The following RFX6 variants were observed in gnomAD, a reference collection of about 807,000 sequenced individuals.
RFX6 encodes regulatory factor X6.
RFX6 carries 50 observed loss-of-function variants against 110.8 expected under a neutral mutation model. The observed-to-expected ratio is 0.45, with a 90% CI of 0.36 to 0.57. The LOEUF is 0.57. Ranked by LOEUF, RFX6 falls within the 20% of genes least tolerant of loss-of-function variation. The pLI is 0.00. For missense variants in RFX6, 990 were observed against 1,127.0 expected, an observed-to-expected ratio of 0.88 and a Z score of 1.74; for synonymous variants, 383 against 411.2, an observed-to-expected ratio of 0.93 and a Z score of 0.83.
rs370656013 is a variant in RFX6, at chr6:116,931,342, C to T, written c.2623C>T (p.Gln875Ter). 5 of 1,611,930 alleles carry T rather than the reference C, an allele frequency of 3.1e-6. No homozygotes were observed. Among genetic ancestry groups the T allele is most frequent in the Admixed American group, 1.7e-5 (1 of 59,992 alleles). ...CRTPVLASSL[Q>*]TPIPSSSSQC... ...ATTTTCCCTTACAGCTTCCAGTTTGCAAACCCCAATTCCTTCTTCCTCATC... is the reference window on the plus strand; with the variant it reads ...ATTTTCCCTTACAGCTTCCAGTTTGTAAACCCCAATTCCTTCTTCCTCATC... Residue 875 changes from glutamine (Q) to a stop codon, truncating the protein, a stop_gained, in exon 19 of 19, where the codon CAA becomes TAA. Transcript: ENST00000332958. LOFTEE classifies it high-confidence loss of function.
At chr6:116,881,205 G>A (rs1292747402) in intron 3 of RFX6, among the ~76,000 whole-genome samples, 1 of 152,004 alleles carries the variant, frequency 6.6e-6, no homozygotes, top group African/African-American at 2.4e-5. Flanking sequence ...TGGTTAGGAT[G>A]GGAATCTATA....
intron 4 of RFX6, 23 bp downstream of exon 4, chr6:116,882,451 C>T (rs1582508776): frequency 3.2e-6 from 5 of 1,563,000 alleles, no homozygotes; most frequent in Non-Finnish European, 4.4e-6. Context: ...TGAACATATT[C>T]AGGTTCTGCT....
chr6:116,924,587 A>G lies in RFX6; in HGVS notation c.1556-82A>G, dbSNP rs548827277. The stretch of plus-strand genomic sequence containing the variant: ...TGCGAGATGGTCACAAAGATAACTG[A>G]CTTCTCTTTCCCTTTCCTTCTCTTT... On this transcript the variant is annotated intron_variant, in intron 14 of 18. Coordinates refer to ENST00000332958, the MANE Select transcript of RFX6 (RefSeq NM_173560.4). 26 of 1,187,654 alleles carry G rather than the reference A, an allele frequency of 2.2e-5. No homozygotes were observed. The East Asian group carries it at 2.4e-4, about 11-fold the overall frequency. The allele number at this position is 1,187,654 out of a possible 1,614,324, so 73.6% of individuals were successfully genotyped here.
chr6:116,926,043 A>G (rs1775720795), intron 16 of RFX6, among the ~76,000 whole-genome samples: 1 of 152,158 alleles, frequency 6.6e-6, no homozygotes, highest in South Asian at 2.1e-4. Context: ...CGGGCTGGGT[A>G]TGGTGGCTCA....
chr6:116,918,233 G>A (rs1263944781), intron 10 of RFX6, 147 bp downstream of exon 10: 4 of 663,548 alleles, frequency 6.0e-6, no homozygotes, highest in African/African-American at 1.8e-5. Flanking sequence ...TGGAAGAGAT[G>A]TGTCTTATAG....
intron 6 of RFX6, among the ~76,000 whole-genome samples, chr6:116,909,736 T>G (rs1376285800): frequency 1.5e-5 from 1 of 65,384 alleles, no homozygotes; most frequent in Non-Finnish European, 3.0e-5. Context: ...CATTTAAATC[T>G]TTTTTTTTTT....
At position 116,931,919 on chromosome 6, in the gene RFX6, A is replaced by C. The variant is rs1488830278; in HGVS notation, c.*413A>C. 3 of 175,224 alleles carry C rather than the reference A, an allele frequency of 1.7e-5. No individual in the cohort carries two copies. The highest frequency in any genetic ancestry group is 1.1e-4 in the Admixed American group (2 of 17,632). The allele number at this position is 175,224 out of a possible 1,614,324, so 10.9% of individuals were successfully genotyped here. ...TAGGATCTCAGAATCATTGTTTACTATCCCTTATTTGACAAAAAGTCAAAT... is the reference window on the plus strand; with the variant it reads ...TAGGATCTCAGAATCATTGTTTACTCTCCCTTATTTGACAAAAAGTCAAAT... On this transcript the variant is annotated 3_prime_UTR_variant, in exon 19 of 19. Transcript: ENST00000332958.
Position 116,931,412 on chromosome 6 carries a change from C to G in RFX6, c.2693C>G (p.Thr898Ser). 6.2e-7 allele frequency: 1 copy of G among 1,612,016 alleles called. No individual in the cohort carries two copies. The highest frequency in any genetic ancestry group is 8.5e-7 in the Non-Finnish European group (1 of 1,178,166). ...GTSNQYPAQE[T>S]LDSHGTSSRE... ...TCCAACCAGTATCCAGCTCAAGAAA[C>G]CCTGGACTCCCATGGAACAAGCAGT... The change falls in exon 19 of 19, where the codon ACC becomes AGC. Residue 898 changes from threonine to serine, a missense_variant. Around this residue, in one of 5 missense-constraint regions of RFX6, gnomAD observed 438 missense variants for 441.9 expected, o/e 0.99. Coordinates refer to ENST00000332958, the MANE Select transcript of RFX6 (RefSeq NM_173560.4).
intron 4 of RFX6, among the ~76,000 whole-genome samples, chr6:116,892,989 A>G (rs1229154421): frequency 6.6e-6 from 1 of 152,158 alleles, no homozygotes; most frequent in African/African-American, 2.4e-5. Context: ...CTCAGTTTAA[A>G]GGATCCACTT....
At chr6:116,914,859 G>A (rs1203452548) in intron 7 of RFX6, among the ~76,000 whole-genome samples, 1 of 152,110 alleles carries the variant, frequency 6.6e-6, no homozygotes, top group East Asian at 1.9e-4. Context: ...AATTCATTTA[G>A]TCTTCCTAGC....
chr6:116,879,385 G>A (rs1774538107), intron 2 of RFX6, among the ~76,000 whole-genome samples: 1 of 151,722 alleles, frequency 6.6e-6, no homozygotes, highest in South Asian at 2.1e-4. Context: ...AAGTGAAAAA[G>A]CTGGCTGATT....
chr6:116,893,375 G>A (rs1436675870), intron 4 of RFX6, among the ~76,000 whole-genome samples: 1 of 152,130 alleles, frequency 6.6e-6, no homozygotes, highest in Non-Finnish European at 1.5e-5. Context: ...ATGATCCACT[G>A]GCATATTTAA....
chr6:116,915,146 G>A (rs1294266534), intron 7 of RFX6, among the ~76,000 whole-genome samples: 1 of 152,032 alleles, frequency 6.6e-6, no homozygotes, highest in African/African-American at 2.4e-5. Flanking sequence ...TTATTAAGTG[G>A]CCAGAATATT....
intron 2 of RFX6, 103 bp from the exon 3 acceptor site, chr6:116,880,441 C>A: frequency 1.0e-6 from 1 of 988,864 alleles, no homozygotes; most frequent in Admixed American, 2.1e-5. Flanking sequence ...CTACTCATTA[C>A]CTCATTTATA....
At position 116,880,631 on chromosome 6, in the gene RFX6, G is replaced by C. The variant is rs746133716; in HGVS notation, c.468G>C (p.Glu156Asp). ...ACTACTTAGATTTCTGTAGGAAAGA[G>C]AAATTAGAGCCAGCCTGTGCGGCCA... The part of the protein sequence containing the change: ...YAHYLDFCRK[E>D]KLEPACAATF... Residue 156 changes from glutamate (E) to aspartate (D), a missense_variant, in exon 3 of 19, where the codon GAG becomes GAC. Transcript: ENST00000332958. 2.5e-6 allele frequency: 4 copies of C among 1,613,562 alleles called. 1 individual carries two copies. Among genetic ancestry groups the C allele is most frequent in the South Asian group, 2.2e-5 (2 of 91,050 alleles).
At chr6:116,905,697 G>A (rs563366998) in intron 6 of RFX6, among the ~76,000 whole-genome samples, 15 of 151,936 alleles carry the variant, frequency 9.9e-5, no homozygotes, top group Middle Eastern at 3.4e-3. Flanking sequence ...GACTGCAGGC[G>A]TGTGCCACCA....
At chr6:116,908,677 CACACACACACAG>C (rs1346913070) in intron 6 of RFX6, among the ~76,000 whole-genome samples, 3,362 of 96,150 alleles carry the variant, frequency 0.035, 72 homozygotes, top group Admixed American at 0.066. Context: ...CATACACACA[CACACACACACAG>C]ACACACACAC....
rs769009598 is a variant in RFX6 at position 116,924,775 on chromosome 6, G to A, written c.1662G>A (p.Lys554=). 8 of 1,587,654 alleles carry A rather than the reference G, an allele frequency of 5.0e-6. No homozygotes were observed. The highest frequency in any genetic ancestry group is 6.9e-6 in the Non-Finnish European group (8 of 1,156,002). ...AGGAGTTACAGAATTTATTGGACAA[G>A]TATATGAAGAATTCAGGTAACTTAA... The part of the protein sequence containing the change: ...KEQELQNLLD[K]YMKNSDASKA... Residue 554 remains lysine, a synonymous_variant, in exon 15 of 19, where the codon AAG becomes AAA. Transcript: ENST00000332958.
chr6:116,919,090 A>G (rs1168685237), intron 10 of RFX6, 47 bp from the exon 11 acceptor site: 1 of 1,521,710 alleles, frequency 6.6e-7, no homozygotes, highest in Non-Finnish European at 9.1e-7. Flanking sequence ...TGATTGTTTA[A>G]TGCATTTTTT....
Sources: allele counts gnomAD v4.1 joint callset (sites outside exome capture counted in the v4.1 genomes callset), GRCh38; gene constraint gnomAD v4.1.1; regional missense constraint gnomAD v4.1.1; transcripts MANE v1.5; gene names NCBI Gene and HGNC (gene_info 2026-07-23, HGNC 2026-07-21).